LRP1B: variants seen among roughly 807,000 people sequenced by gnomAD.
LRP1B encodes the protein low-density lipoprotein receptor-related protein 1B.
Under a neutral mutation model 556.6 loss-of-function variants are expected in LRP1B, and 217 were observed. The ratio of observed to expected loss-of-function variants is 0.39; its 90% CI spans 0.35 to 0.44. The LOEUF (loss-of-function observed/expected upper bound fraction) is 0.44, where lower values mean the gene tolerates loss of function less well. Among genes scored for constraint, LRP1B ranks in the 20% least tolerant of loss-of-function variants. The pLI, the probability that LRP1B is intolerant of heterozygous loss-of-function variation, is 1.00. For synonymous variants in LRP1B, 2,047 were observed against 1,865.8 expected, an observed-to-expected ratio of 1.10 and a Z score of -2.50; for missense variants, 5,053 against 5,620.8, an observed-to-expected ratio of 0.90 and a Z score of 3.23.
intron 7 of LRP1B, among the ~76,000 whole-genome samples, chr2:141,074,612 TTA>T (rs1553456140): frequency 7.2e-4 from 85 of 118,836 alleles, no homozygotes; most frequent in African/African-American, 2.4e-3. Flanking sequence ...TATATGTTTT[TTA>T]TATATATATA....
chr2:140,613,315 T>C (rs998625433), intron 41 of LRP1B, among the ~76,000 whole-genome samples: 2 of 116,702 alleles, frequency 1.7e-5, no homozygotes, highest in South Asian at 3.1e-4. Flanking sequence ...TTATATATAA[T>C]TATATAAATA....
Position 141,529,069 on chromosome 2 carries a change from T to C in LRP1B, c.206-48536A>G, listed in dbSNP as rs531123371. Among the ~76,000 whole-genome samples the C allele has an allele frequency of 2.0e-5, 3 of 152,298 alleles. No individual in the cohort carries two copies. The East Asian group carries it at 5.8e-4, about 29-fold the overall frequency. ...TGATGATTATTAGTGTCCGACACTTTTTACCTGAAACATGTTTGGCAACAT... is the reference window on the plus strand; with the variant it reads ...TGATGATTATTAGTGTCCGACACTTCTTACCTGAAACATGTTTGGCAACAT... On this transcript the variant is annotated intron_variant, in intron 2 of 90. Coordinates refer to ENST00000389484, the MANE Select transcript of LRP1B (RefSeq NM_018557.3).
At position 141,387,998 on chromosome 2, in the gene LRP1B, T is replaced by C. The variant is rs533450439; in HGVS notation, c.343+92398A>G. Among the ~76,000 whole-genome samples the C allele has an allele frequency of 2.6e-5, 4 of 152,308 alleles. No homozygotes were observed. The South Asian group carries it at 8.3e-4, about 32-fold the overall frequency. On this transcript the variant is annotated intron_variant, in intron 3 of 90. Coordinates refer to ENST00000389484, the MANE Select transcript of LRP1B (RefSeq NM_018557.3). ...TGCAATGACCATGTGGGATTTACTATACAAATGCAAGATTGGTTCAATGTA... is the reference window on the plus strand; with the variant it reads ...TGCAATGACCATGTGGGATTTACTACACAAATGCAAGATTGGTTCAATGTA...
intron 18 of LRP1B, among the ~76,000 whole-genome samples, chr2:140,963,105 T>C (rs910599139): frequency 6.6e-6 from 1 of 152,178 alleles, no homozygotes; most frequent in Admixed American, 6.5e-5. Context: ...CAAAGATGCA[T>C]ATAGCTTCTG....
At position 140,274,552 on chromosome 2, in the gene LRP1B, C is replaced by G. The variant is rs895452653; in HGVS notation, c.13014G>C (p.Gly4338=). The G allele has an allele frequency of 1.2e-6, 2 of 1,612,474 alleles. No homozygotes were observed. The highest frequency in any genetic ancestry group is 2.7e-5 in the African/African-American group (2 of 74,888). The stretch of plus-strand genomic sequence containing the variant: ...AGACACATTCAACACTTCCATCATC[C>G]CCAATGGTACATGATTCAGAATTCA... ...YCVNSESCTI[G]DDGSVECVCP... The change falls in exon 85 of 91, where the codon GGG becomes GGC. Residue 4338 remains glycine (G), a synonymous_variant. Transcript: ENST00000389484.
At chr2:141,156,842 TA>T (rs1313171828) in intron 7 of LRP1B, among the ~76,000 whole-genome samples, 7 of 152,190 alleles carry the variant, frequency 4.6e-5, no homozygotes, top group Admixed American at 3.9e-4. Context: ...CAAAGTAAAG[TA>T]ATGGCAAAAT....
At chr2:141,053,923 A>G (rs1398058247) in intron 10 of LRP1B, among the ~76,000 whole-genome samples, 1 of 151,802 alleles carries the variant, frequency 6.6e-6, no homozygotes, top group Non-Finnish European at 1.5e-5. Context: ...CCCACACACA[A>G]AACTTCTTTT....
At chr2:141,958,108 T>C (rs1701308435) in intron 1 of LRP1B, among the ~76,000 whole-genome samples, 2 of 152,056 alleles carry the variant, frequency 1.3e-5, no homozygotes, top group African/African-American at 4.8e-5. Context: ...ATTTGACACT[T>C]CAGGGGTGAA....
intron 1 of LRP1B, among the ~76,000 whole-genome samples, chr2:142,114,768 G>T (rs1311324662): frequency 6.6e-6 from 1 of 152,084 alleles, no homozygotes; most frequent in Non-Finnish European, 1.5e-5. Context: ...GCTAGGGTGG[G>T]AAATGAAGAG....
At chr2:141,237,033 A>G (rs1683670547) in intron 5 of LRP1B, among the ~76,000 whole-genome samples, 1 of 152,222 alleles carries the variant, frequency 6.6e-6, no homozygotes, top group Admixed American at 6.5e-5. Context: ...GAACACAGAA[A>G]TGCCATTTTA....
chr2:141,084,341 A>G (rs1699995714), intron 7 of LRP1B, among the ~76,000 whole-genome samples: 2 of 152,300 alleles, frequency 1.3e-5, no homozygotes, highest in South Asian at 4.1e-4. Flanking sequence ...CCATTATCTT[A>G]TGAGGAGTCT....
intron 1 of LRP1B, among the ~76,000 whole-genome samples, chr2:141,902,136 C>T (rs1699635764): frequency 2.0e-5 from 3 of 151,174 alleles, no homozygotes; most frequent in African/African-American, 4.8e-5. Flanking sequence ...TAATAATTGA[C>T]ACTATTACTA....
At chr2:141,910,351 T>A (rs1699876663) in intron 1 of LRP1B, among the ~76,000 whole-genome samples, 1 of 152,126 alleles carries the variant, frequency 6.6e-6, no homozygotes, top group Non-Finnish European at 1.5e-5. Flanking sequence ...TCATTTACTC[T>A]GCTACACAGT....
intron 18 of LRP1B, among the ~76,000 whole-genome samples, chr2:140,955,754 G>A (rs1695853841): frequency 1.3e-5 from 2 of 151,652 alleles, no homozygotes; most frequent in South Asian, 4.1e-4. Flanking sequence ...ATCGTGATTG[G>A]TATGGTACTT....
At chr2:141,679,547 T>C (rs890985486) in intron 2 of LRP1B, among the ~76,000 whole-genome samples, 1 of 152,216 alleles carries the variant, frequency 6.6e-6, no homozygotes, top group African/African-American at 2.4e-5. Context: ...CCAATTTGAC[T>C]ATCTCTAGTA....
intron 2 of LRP1B, among the ~76,000 whole-genome samples, chr2:141,544,296 C>CTCTTCTTCTTCGTCG (rs1685379253): frequency 1.3e-5 from 1 of 78,356 alleles, no homozygotes; most frequent in African/African-American, 5.2e-5. Context: ...AAATTTACCA[C>CTCTTCTTCTTCGTCG]TCTTCTTCTT....
chr2:141,614,702 A>G (rs775940335), intron 2 of LRP1B, among the ~76,000 whole-genome samples: 20 of 151,028 alleles, frequency 1.3e-4, no homozygotes, highest in Non-Finnish European at 2.2e-4. Context: ...GTTTGCCTTC[A>G]CCAAAAGCTA....
At chr2:140,291,320 T>TATATATATATATATATATATATTTA in intron 84 of LRP1B, among the ~76,000 whole-genome samples, 1 of 51,876 alleles carries the variant, frequency 1.9e-5, no homozygotes, top group South Asian at 8.3e-4. Context: ...ATATATATAT[T>TATATATATATATATATATATATTTA]TTTATTATAC....
chr2:140,373,325 G>A (rs1222890873), intron 68 of LRP1B, among the ~76,000 whole-genome samples, 188 bp from the exon 69 acceptor site: 11 of 152,002 alleles, frequency 7.2e-5, no homozygotes, highest in African/African-American at 2.2e-4. Flanking sequence ...TTTACAAACC[G>A]AAAGACTAGA....
Sources: gnomAD v4.1 joint callset for allele counts (sites outside exome capture counted in the v4.1 genomes callset) on GRCh38, gnomAD v4.1.1 for gene constraint, MANE v1.5 for transcripts, NCBI Gene and HGNC (gene_info 2026-07-23, HGNC 2026-07-21) for gene names.